Variants in SOX5 observed in about 807,000 individuals in gnomAD.
SOX5 encodes the protein transcription factor SOX-5.
A neutral mutation model predicts 92.0 loss-of-function variants in SOX5; 9 were observed. That is an observed-to-expected ratio of 0.10 (90% CI 0.06 to 0.17). The LOEUF (loss-of-function observed/expected upper bound fraction) is 0.17. Ranked by LOEUF, SOX5 falls within the 10% of genes least tolerant of loss-of-function variation. The pLI is 1.00. For missense variants in SOX5, 642 were observed against 944.5 expected, an observed-to-expected ratio of 0.68 and a Z score of 4.20; for synonymous variants, 344 against 336.3, an observed-to-expected ratio of 1.02 and a Z score of -0.25.
chr12:23,676,678 A>G (rs1218113323), intron 6 of SOX5, among the ~76,000 whole-genome samples: 1 of 152,232 alleles, frequency 6.6e-6, no homozygotes, highest in African/African-American at 2.4e-5. Flanking sequence ...AGGAAGTCAG[A>G]CAATAAACCT....
Position 24,000,902 on chromosome 12 carries a change from G to A in SOX5, c.-1-104878C>T, listed in dbSNP as rs901409820. ...CCTAAAAGAGTTAGGAATTAGACAGGATATACAAGAATTGAACAATATTAT... is the reference window on the plus strand; with the variant it reads ...CCTAAAAGAGTTAGGAATTAGACAGAATATACAAGAATTGAACAATATTAT... On this transcript the variant is annotated intron_variant, in intron 4 of 4. Transcript: ENST00000446891. Among the ~76,000 whole-genome samples the A allele has an allele frequency of 3.9e-5, 6 of 152,172 alleles. No homozygotes were observed. The South Asian group carries it at 1.0e-3, about 26-fold the overall frequency.
intron 2 of SOX5, among the ~76,000 whole-genome samples, chr12:24,349,906 G>T (rs907359744): frequency 1.3e-5 from 2 of 152,108 alleles, no homozygotes; most frequent in African/African-American, 4.8e-5. Flanking sequence ...CACCCACAGT[G>T]CATACGAGTT....
intron 7 of SOX5, among the ~76,000 whole-genome samples, chr12:23,654,030 G>A (rs1355638845): frequency 1.7e-4 from 26 of 151,978 alleles, no homozygotes; most frequent in Non-Finnish European, 7.4e-5. Flanking sequence ...CATATCAAAA[G>A]CCTAAGGTTT....
At chr12:24,125,887 C>T (rs7979575) in intron 4 of SOX5, among the ~76,000 whole-genome samples, 44 of 152,136 alleles carry the variant, frequency 2.9e-4, no homozygotes, top group African/African-American at 1.0e-3. Flanking sequence ...CTTCCCAGGA[C>T]GAAGAGTGGA....
intron 3 of SOX5, among the ~76,000 whole-genome samples, chr12:24,258,152 A>G (rs1053750796): frequency 6.6e-5 from 10 of 152,136 alleles, no homozygotes; most frequent in Non-Finnish European, 1.3e-4. Context: ...CAGCCTGGTA[A>G]CAGAGCAAGA....
At chr12:24,142,203 G>T (rs1950649705) in intron 4 of SOX5, among the ~76,000 whole-genome samples, 1 of 152,106 alleles carries the variant, frequency 6.6e-6, no homozygotes. Context: ...GGGGTAGAGA[G>T]AAAAGAAACC....
chr12:23,810,245 G>A (rs550418308), intron 3 of SOX5, among the ~76,000 whole-genome samples: 57 of 152,156 alleles, frequency 3.7e-4, no homozygotes, highest in African/African-American at 1.3e-3. Context: ...ACAGAATATA[G>A]ATAAGTGTGG....
intron 1 of SOX5, among the ~76,000 whole-genome samples, chr12:24,404,768 G>C (rs1205399262): frequency 2.6e-5 from 4 of 152,146 alleles, no homozygotes. Flanking sequence ...GGTGTTATGG[G>C]TTGCATTGCC....
At chr12:23,845,394 A>G (rs2096563645) in intron 3 of SOX5, among the ~76,000 whole-genome samples, 1 of 152,176 alleles carries the variant, frequency 6.6e-6, no homozygotes, top group African/African-American at 2.4e-5. Flanking sequence ...AGATTAGTCC[A>G]TTTGCCTATC....
chr12:23,803,708 T>C lies in SOX5; in HGVS notation c.481+42275A>G, dbSNP rs952766421. 4.6e-5 allele frequency among the ~76,000 whole-genome samples: 7 copies of C among 152,218 alleles called. No individual in the cohort carries two copies. In the South Asian group the frequency reaches 6.2e-4, roughly 14 times the overall value. ...TGTGAAATAGTGTGATTAAGTGCTGTGAGGTAGAAACAGTAAATCTTATGT... is the reference window on the plus strand; with the variant it reads ...TGTGAAATAGTGTGATTAAGTGCTGCGAGGTAGAAACAGTAAATCTTATGT... On this transcript the variant is annotated intron_variant, in intron 3 of 14. Coordinates refer to ENST00000451604, the MANE Select transcript of SOX5 (RefSeq NM_006940.6).
intron 1 of SOX5, among the ~76,000 whole-genome samples, chr12:24,385,233 G>C (rs1327444552): frequency 1.3e-5 from 2 of 152,046 alleles, no homozygotes; most frequent in Non-Finnish European, 2.9e-5. Context: ...CTTTACAATG[G>C]TGCAAAACCA....
intron 4 of SOX5, among the ~76,000 whole-genome samples, chr12:24,132,419 C>G (rs1408290921): frequency 1.3e-5 from 2 of 152,076 alleles, no homozygotes; most frequent in African/African-American, 2.4e-5. Context: ...AATGTGGTAT[C>G]TATATATATT....
chr12:23,872,941 G>C (rs1253758415), intron 2 of SOX5, among the ~76,000 whole-genome samples: 1 of 152,114 alleles, frequency 6.6e-6, no homozygotes. Context: ...AGCTGGACTA[G>C]GGAAATAAAA....
At chr12:24,011,525 T>C (rs1952937543) in intron 4 of SOX5, among the ~76,000 whole-genome samples, 1 of 152,228 alleles carries the variant, frequency 6.6e-6, no homozygotes, top group Admixed American at 6.5e-5. Flanking sequence ...CCATATTTTT[T>C]GTTAACAACT....
In SOX5 at chr12:23,703,677, T is replaced by C. The variant is rs547936117; in HGVS notation, c.810+31007A>G. On this transcript the variant is annotated intron_variant, in intron 6 of 14. Coordinates refer to ENST00000451604, the MANE Select transcript of SOX5 (RefSeq NM_006940.6). ...TTAGGGATAGACAAAATATTTCTTG[T>C]ATGAAATTTTCAAGCTACATATCAA... Among the ~76,000 whole-genome samples the C allele has an allele frequency of 1.8e-4, 27 of 151,812 alleles. No homozygotes were observed. In the South Asian group the frequency reaches 2.3e-3, roughly 13 times the overall value.
intron 4 of SOX5, among the ~76,000 whole-genome samples, chr12:24,114,518 G>C (rs1031529221): frequency 1.6e-5 from 2 of 123,208 alleles, no homozygotes; most frequent in African/African-American, 6.2e-5. Flanking sequence ...GGAGGTTGCA[G>C]TGAGCTAACA....
intron 3 of SOX5, among the ~76,000 whole-genome samples, chr12:24,243,711 T>C (rs1046685638): frequency 1.3e-5 from 2 of 152,130 alleles, no homozygotes; most frequent in African/African-American, 2.4e-5. Context: ...TAAGTATACA[T>C]GTGATTATGT....
chr12:23,756,027 G>A (rs1278401416), intron 3 of SOX5, among the ~76,000 whole-genome samples: 1 of 151,760 alleles, frequency 6.6e-6, no homozygotes, highest in African/African-American at 2.4e-5. Context: ...TATAATGGAT[G>A]CTTGTCAATT....
intron 3 of SOX5, among the ~76,000 whole-genome samples, chr12:24,266,210 C>G (rs1370321159): frequency 6.6e-6 from 1 of 152,068 alleles, no homozygotes; most frequent in Non-Finnish European, 1.5e-5. Context: ...GCCACTGTGC[C>G]TGGCCCAGGG....
Sources: gnomAD v4.1 joint callset for allele counts (sites outside exome capture counted in the v4.1 genomes callset) on GRCh38, gnomAD v4.1.1 for gene constraint, MANE v1.5 for transcripts, NCBI Gene and HGNC (gene_info 2026-07-23, HGNC 2026-07-21) for gene names.